The following DAZAP1 variants were observed in gnomAD, a reference collection of about 807,000 sequenced individuals.
The protein encoded by DAZAP1 is DAZ associated protein 1.
Under a neutral mutation model 60.1 loss-of-function variants are expected in DAZAP1, and 6 were observed. The observed-to-expected ratio is 0.10, with a 90% CI of 0.05 to 0.20. The LOEUF is 0.20. Among genes scored for constraint, DAZAP1 ranks in the 10% least tolerant of loss-of-function variants. The pLI, the probability that DAZAP1 is intolerant of heterozygous loss-of-function variation, is 1.00. For synonymous variants in DAZAP1, 235 were observed against 215.9 expected (o/e 1.09, Z -0.78); for missense variants, 366 against 560.4 (o/e 0.65, Z 3.50).
chr19:1,423,542 CTCAGTGGTGATG>C lies in DAZAP1; in HGVS notation c.463+1149_463+1160del, dbSNP rs1600223307. Among the ~76,000 whole-genome samples the C allele has an allele frequency of 6.6e-6, 1 of 152,218 alleles. No individual in the cohort carries two copies. Among genetic ancestry groups the C allele is most frequent in the East Asian group, 1.9e-4 (1 of 5,198 alleles). The stretch of plus-strand genomic sequence containing the variant: ...GTTTCAGGTGTTTCTGTCCCGCTTC[CTCAGTGGTGATG>C]TCGCCTCTTGACAGCCGCATTCCTA... On this transcript the variant is annotated intron_variant, in intron 6 of 11. Transcript: ENST00000233078. This position sits in a 1 kb window ranked among gnomAD's most constrained non-coding sequence, Gnocchi z 6.8.
At chr19:1,411,895 C>T (rs960597526) in intron 1 of DAZAP1, among the ~76,000 whole-genome samples, 4 of 152,238 alleles carry the variant, frequency 2.6e-5, no homozygotes, top group Non-Finnish European at 5.9e-5. Flanking sequence ...TGAACTGAGG[C>T]CTTTTCCCAT....
chr19:1,430,434 G>A, intron 10 of DAZAP1, 72 bp downstream of exon 10: 1 of 1,387,412 alleles, frequency 7.2e-7, no homozygotes, highest in South Asian at 1.6e-5. Context: ...CGGGGTGATG[G>A]GGAGTCTTGT....
Position 1,418,645 on chromosome 19 carries a change from C to T in DAZAP1, c.238-21C>T, listed in dbSNP as rs2083058029. The T allele has an allele frequency of 6.2e-7, 1 of 1,613,752 alleles. No individual in the cohort carries two copies. Among genetic ancestry groups the T allele is most frequent in the African/African-American group, 1.3e-5 (1 of 74,844 alleles). On this transcript the variant is annotated intron_variant, in intron 3 of 11. Transcript: ENST00000233078. The surrounding 1 kb of genome is among the most constrained non-coding windows in gnomAD (Gnocchi z 5.7). ...GAAACAGCCTCTTATTCACAACCAGCTGATTTGAAATTTCCTGCAGATCGA... is the reference window on the plus strand; with the variant it reads ...GAAACAGCCTCTTATTCACAACCAGTTGATTTGAAATTTCCTGCAGATCGA...
chr19:1,413,988 A>AGTGTGTGT (rs1156764751), intron 1 of DAZAP1, among the ~76,000 whole-genome samples: 1 of 95,800 alleles, frequency 1.0e-5, no homozygotes, highest in Non-Finnish European at 2.1e-5. Flanking sequence ...CCCCCAGTGA[A>AGTGTGTGT]CTGTGTGTGT....
chr19:1,409,683 G>A (rs958877970), intron 1 of DAZAP1: 1 of 122,432 alleles, frequency 8.2e-6, no homozygotes, highest in Non-Finnish European at 1.7e-5. Context: ...GCTGTGTGGA[G>A]TTGTTGTGTG....
At position 1,432,489 on chromosome 19, in the gene DAZAP1, G is replaced by A; in HGVS notation, c.872-25G>A. ...CCCCCAGCTGCACAACGTGTCTTGT[G>A]CCTTGCCCTCTTGTACCTCTGCAGG... On this transcript the variant is annotated intron_variant, in intron 10 of 11. Transcript: ENST00000233078. The surrounding 1 kb of genome is among the most constrained non-coding windows in gnomAD (Gnocchi z 4.9). The A allele has an allele frequency of 1.2e-6, 2 of 1,613,246 alleles. No individual in the cohort carries two copies. The highest frequency in any genetic ancestry group is 1.1e-5 in the South Asian group (1 of 91,072).
Position 1,423,040 on chromosome 19 carries a change from T to TTCCCCCC in DAZAP1, c.463+644_463+645insTCCCCCC, listed in dbSNP as rs2083204521. ...CCTTTTCCGTGGCTGCTGCTGTCTG[T>TTCCCCCC]CCCGCCCGCCCGCATGGTTTTGGTT... On this transcript the variant is annotated intron_variant, in intron 6 of 11. Transcript: ENST00000233078. This position sits in a 1 kb window ranked among gnomAD's most constrained non-coding sequence, Gnocchi z 6.8. 6.6e-6 allele frequency among the ~76,000 whole-genome samples: 1 copy of TTCCCCCC among 150,612 alleles called. No homozygotes were observed. The highest frequency in any genetic ancestry group is 2.4e-5 in the African/African-American group (1 of 41,326).
In DAZAP1 at chr19:1,418,257, A is replaced by G; in HGVS notation, c.124A>G (p.Met42Val). 6.2e-7 allele frequency: 1 copy of G among 1,614,218 alleles called. No homozygotes were observed. The highest frequency in any genetic ancestry group is 8.5e-7 in the Non-Finnish European group (1 of 1,180,034). The change falls in exon 3 of 12, where the codon ATG (methionine) becomes GTG (valine). Residue 42 changes from methionine to valine, a missense_variant. Transcript: ENST00000233078. The surrounding 1 kb of genome is among the most constrained non-coding windows in gnomAD (Gnocchi z 5.7). ...QYGEVVDCVI[M>V]KDKTTNQSRG... ...TGGAGAAGTCGTAGATTGTGTTATC[A>G]TGAAAGATAAAACCACCAACCAGTC...
At position 1,418,677 on chromosome 19, in the gene DAZAP1, G is replaced by A. The variant is rs1400825895; in HGVS notation, c.249G>A (p.Lys83=). 3.1e-6 allele frequency: 5 copies of A among 1,613,944 alleles called. No homozygotes were observed. The highest frequency in any genetic ancestry group is 3.4e-6 in the Non-Finnish European group (4 of 1,179,994). The change falls in exon 4 of 12, where the codon AAG becomes AAA. Residue 83 remains lysine (K), a synonymous_variant. Transcript: ENST00000233078. This position sits in a 1 kb window ranked among gnomAD's most constrained non-coding sequence, Gnocchi z 5.7. ...GAAATTTCCTGCAGATCGACCCCAA[G>A]CCATGCACACCCCGGGGGATGCAGC... ...HTLDGRNIDP[K]PCTPRGMQPE...
rs1383599386 is a variant in DAZAP1 at position 1,423,524 on chromosome 19, G to T, written c.463+1128G>T. ...CAGTGGGGTGTAAACGAAGTTTCAGGTGTTTCTGTCCCGCTTCCTCAGTGG... is the reference window on the plus strand; with the variant it reads ...CAGTGGGGTGTAAACGAAGTTTCAGTTGTTTCTGTCCCGCTTCCTCAGTGG... On this transcript the variant is annotated intron_variant, in intron 6 of 11. Transcript: ENST00000233078. The surrounding 1 kb of genome is among the most constrained non-coding windows in gnomAD (Gnocchi z 6.8). 2.0e-5 allele frequency among the ~76,000 whole-genome samples: 3 copies of T among 152,190 alleles called. No homozygotes were observed. Among genetic ancestry groups the T allele is most frequent in the Admixed American group, 6.5e-5 (1 of 15,286 alleles).
At position 1,430,298 on chromosome 19, in the gene DAZAP1, C is replaced by A. The variant is rs1186639996; in HGVS notation, c.807C>A (p.Thr269=). The change falls in exon 10 of 12, where the codon ACC becomes ACA. Residue 269 remains threonine, a synonymous_variant. Transcript: ENST00000233078. ...PPPFTSYIVS[T]PPGGFPPPQG... is the part of the protein sequence containing the mutation. ...CGTTCACCTCCTACATCGTGTCCACCCCTCCTGGAGGCTTTCCCCCTCCCC... is the reference window on the plus strand; with the variant it reads ...CGTTCACCTCCTACATCGTGTCCACACCTCCTGGAGGCTTTCCCCCTCCCC... 3 of 1,556,694 alleles carry A rather than the reference C, an allele frequency of 1.9e-6. No individual in the cohort carries two copies. Among genetic ancestry groups the A allele is most frequent in the Admixed American group, 3.8e-5 (2 of 53,192 alleles).
intron 10 of DAZAP1, among the ~76,000 whole-genome samples, chr19:1,431,095 G>A (rs534034533): frequency 2.6e-5 from 4 of 151,676 alleles, no homozygotes; most frequent in South Asian, 2.1e-4. Context: ...AAGATCAGCC[G>A]ACACACCCAG....
chr19:1,409,024 A>G (rs1264075231), intron 1 of DAZAP1, among the ~76,000 whole-genome samples: 1 of 152,204 alleles, frequency 6.6e-6, no homozygotes, highest in Non-Finnish European at 1.5e-5. Flanking sequence ...CACCAGCTAC[A>G]GGTCACACTT....
At chr19:1,415,982 G>C (rs530041254) in intron 1 of DAZAP1, 4 of 152,114 alleles carry the variant, frequency 2.6e-5, no homozygotes, top group Non-Finnish European at 5.9e-5. Context: ...ATTTAAATCA[G>C]TCGTTCTTAG....
At chr19:1,430,656 T>C (rs2083425171) in intron 10 of DAZAP1, among the ~76,000 whole-genome samples, 1 of 152,044 alleles carries the variant, frequency 6.6e-6, no homozygotes, top group Non-Finnish European at 1.5e-5. Context: ...GAGCCTGGAC[T>C]TCGTGTCTTA....
At chr19:1,414,800 AATTTT>A (rs780707173) in intron 1 of DAZAP1, among the ~76,000 whole-genome samples, 34 of 151,560 alleles carry the variant, frequency 2.2e-4, no homozygotes, top group Admixed American at 1.5e-3. Context: ...TTATTTTTTT[AATTTT>A]ATTTAAGAGT....
At chr19:1,412,473 G>A (rs891529140) in intron 1 of DAZAP1, among the ~76,000 whole-genome samples, 9 of 152,352 alleles carry the variant, frequency 5.9e-5, no homozygotes, top group African/African-American at 2.2e-4. Flanking sequence ...GCCAGGTGGG[G>A]TCTGTGGGGA....
At position 1,433,650 on chromosome 19, in the gene DAZAP1, G is replaced by A; in HGVS notation, c.1048+960G>A. On this transcript the variant is annotated intron_variant, in intron 11 of 11. Transcript: ENST00000233078. This position sits in a 1 kb window ranked among gnomAD's most constrained non-coding sequence, Gnocchi z 6.1. ...GTGTCTGAGACTGGCAGGGGGGTGTGAGGCGCCCGGTTGGGGCGTGGCGTG... is the reference window on the plus strand; with the variant it reads ...GTGTCTGAGACTGGCAGGGGGGTGTAAGGCGCCCGGTTGGGGCGTGGCGTG... 1 of 1,090,684 alleles carries A rather than the reference G, an allele frequency of 9.2e-7. No individual in the cohort carries two copies. The highest frequency in any genetic ancestry group is 1.4e-6 in the Non-Finnish European group (1 of 722,344). 67.6% of individuals were successfully genotyped at this position (1,090,684 alleles called of 1,614,324 possible).
chr19:1,417,956 G>A (rs1033659893), intron 2 of DAZAP1, among the ~76,000 whole-genome samples: 6 of 152,190 alleles, frequency 3.9e-5, no homozygotes, highest in African/African-American at 7.2e-5. Flanking sequence ...CTTCCTGGAC[G>A]CCTACAAAGT....
Sources: gnomAD v4.1 joint callset for allele counts (sites outside exome capture counted in the v4.1 genomes callset) on GRCh38, gnomAD v4.1.1 for gene constraint, Gnocchi (gnomAD v3.1) non-coding constraint, MANE v1.5 for transcripts, NCBI Gene and HGNC (gene_info 2026-07-23, HGNC 2026-07-21) for gene names.